CPNE8: variants seen among roughly 807,000 people sequenced by gnomAD.
CPNE8 encodes the protein copine 8, also known as copine-8.
A neutral mutation model predicts 81.5 loss-of-function variants in CPNE8; 45 were observed. The observed-to-expected ratio is 0.55, with a 90% CI of 0.44 to 0.71. CPNE8 has a LOEUF of 0.71. CPNE8 is among the 30% of genes least tolerant of loss of function. The probability of loss-of-function intolerance (pLI) is 0.00; values close to 1 mark genes in which losing one functional copy is unlikely to be tolerated. For missense variants in CPNE8, 594 were observed against 672.1 expected (o/e 0.88, Z 1.28); for synonymous variants, 252 against 226.3 (o/e 1.11, Z -1.02).
intron 4 of CPNE8, among the ~76,000 whole-genome samples, chr12:38,842,033 A>AC (rs566385714): frequency 2.7e-5 from 2 of 74,062 alleles, no homozygotes; most frequent in Non-Finnish European, 7.0e-5. Context: ...TTACAATAGC[A>AC]AAAAAAAAAA....
At chr12:38,665,987 T>A (rs1191607394) in intron 19 of CPNE8, among the ~76,000 whole-genome samples, 2 of 152,202 alleles carry the variant, frequency 1.3e-5, no homozygotes, top group African/African-American at 2.4e-5. Context: ...ACTGTACTGA[T>A]AATAACGCAT....
upstream of CPNE8, chr12:38,906,107 G>A: frequency 2.0e-6 from 2 of 986,186 alleles, no homozygotes; most frequent in Non-Finnish European, 2.4e-6. Flanking sequence ...TAACTGCCCC[G>A]TTATAAGGTC....
chr12:38,831,001 G>A (rs1416143757), intron 5 of CPNE8, among the ~76,000 whole-genome samples: 1 of 152,134 alleles, frequency 6.6e-6, no homozygotes, highest in Non-Finnish European at 1.5e-5. Flanking sequence ...TTGGAGGTGG[G>A]GAAAGTGGGG....
intron 19 of CPNE8, among the ~76,000 whole-genome samples, chr12:38,658,851 A>AGCATGTGTCACCACCAATGACAAAT (rs1938886832): frequency 6.6e-6 from 1 of 152,216 alleles, no homozygotes; most frequent in Non-Finnish European, 1.5e-5. Context: ...GCACATGCTG[A>AGCATGTGTCACCACCAATGACAAAT]GAGATTTTGT....
chr12:38,714,719 C>T (rs1160111004), intron 13 of CPNE8, among the ~76,000 whole-genome samples: 1 of 151,986 alleles, frequency 6.6e-6, no homozygotes, highest in Non-Finnish European at 1.5e-5. Context: ...ATGCATCTGT[C>T]TCATCTGCTC....
At chr12:38,672,633 C>T (rs1211878952) in intron 18 of CPNE8, among the ~76,000 whole-genome samples, 4 of 152,108 alleles carry the variant, frequency 2.6e-5, no homozygotes, top group African/African-American at 9.7e-5. Flanking sequence ...AAGCAGATAG[C>T]CAGATGCTGC....
intron 18 of CPNE8, among the ~76,000 whole-genome samples, 183 bp downstream of exon 18, chr12:38,675,534 C>T (rs1227381767): frequency 6.6e-6 from 1 of 152,122 alleles, no homozygotes; most frequent in African/African-American, 2.4e-5. Context: ...AATTGGCACA[C>T]CTGAATAGAC....
At chr12:38,775,514 A>G (rs1342953843) in intron 7 of CPNE8, among the ~76,000 whole-genome samples, 1 of 152,170 alleles carries the variant, frequency 6.6e-6, no homozygotes. Context: ...GGAAATACCA[A>G]TTCCCAGAGA....
chr12:38,658,233 A>G (rs754113269), intron 19 of CPNE8, among the ~76,000 whole-genome samples: 25 of 152,188 alleles, frequency 1.6e-4, no homozygotes, highest in Non-Finnish European at 2.6e-4. Flanking sequence ...AAACCATGGC[A>G]TGAGAACTAC....
intron 19 of CPNE8, among the ~76,000 whole-genome samples, chr12:38,657,630 C>T (rs936552678): frequency 7.2e-5 from 11 of 152,198 alleles, no homozygotes; most frequent in South Asian, 2.1e-4. Context: ...CAGTAGGGGC[C>T]GATAGACACC....
chr12:38,793,759 T>C (rs1942386229), intron 6 of CPNE8, among the ~76,000 whole-genome samples: 1 of 151,956 alleles, frequency 6.6e-6, no homozygotes, highest in African/African-American at 2.4e-5. Context: ...GGACTCCAAA[T>C]AGCCAAAGCA....
At chr12:38,718,195 A>G (rs1381215205) in intron 13 of CPNE8, among the ~76,000 whole-genome samples, 1 of 152,208 alleles carries the variant, frequency 6.6e-6, no homozygotes, top group Non-Finnish European at 1.5e-5. Flanking sequence ...CATAATGGCC[A>G]GATGGGCTAA....
intron 6 of CPNE8, among the ~76,000 whole-genome samples, chr12:38,826,949 C>G (rs1006868302): frequency 6.7e-6 from 1 of 148,930 alleles, no homozygotes; most frequent in Non-Finnish European, 1.5e-5. Context: ...GCGGGCAGAT[C>G]ACGAGGTCAG....
chr12:38,898,634 A>C (rs80221750), intron 1 of CPNE8, among the ~76,000 whole-genome samples: 2,804 of 152,334 alleles, frequency 0.018, 92 homozygotes, highest in African/African-American at 0.064. Flanking sequence ...TTTACATAGT[A>C]TCTCCAAATT....
chr12:38,709,032 G>T (rs966879700), intron 13 of CPNE8, among the ~76,000 whole-genome samples: 2 of 152,140 alleles, frequency 1.3e-5, no homozygotes, highest in Non-Finnish European at 2.9e-5. Flanking sequence ...CTAGCTGTTG[G>T]TATCTAGAAC....
intron 6 of CPNE8, among the ~76,000 whole-genome samples, chr12:38,791,344 C>T (rs1317634291): frequency 2.0e-5 from 3 of 151,266 alleles, no homozygotes; most frequent in African/African-American, 7.3e-5. Flanking sequence ...GAAACACAGA[C>T]TAAAATGGAC....
At chr12:38,706,588 T>C (rs1940113098) in intron 13 of CPNE8, among the ~76,000 whole-genome samples, 1 of 152,204 alleles carries the variant, frequency 6.6e-6, no homozygotes, top group South Asian at 2.1e-4. Context: ...TGTTATTTTA[T>C]TCAAATAACA....
chr12:38,685,653 C>A (rs944814168), intron 15 of CPNE8, 36 bp from the exon 16 acceptor site: 4 of 1,595,032 alleles, frequency 2.5e-6, no homozygotes, highest in Non-Finnish European at 3.4e-6. Context: ...AACAAAACAA[C>A]AGTAAAAAAG....
chr12:38,895,339 T>C (rs971284066), intron 1 of CPNE8, among the ~76,000 whole-genome samples: 7 of 152,084 alleles, frequency 4.6e-5, no homozygotes, highest in Admixed American at 3.3e-4. Flanking sequence ...GGACTGAAAT[T>C]GTAGGGCCTG....
Sources: gnomAD v4.1 joint callset for allele counts (sites outside exome capture counted in the v4.1 genomes callset) on GRCh38, gnomAD v4.1.1 for gene constraint, MANE v1.5 for transcripts, NCBI Gene and HGNC (gene_info 2026-07-23, HGNC 2026-07-21) for gene names.